Variants in ACER1 observed in about 807,000 individuals in gnomAD.
ACER1 encodes the protein CTB-180A7.3.
Under a neutral mutation model 24.9 loss-of-function variants are expected in ACER1, and 28 were observed. The ratio of observed to expected loss-of-function variants is 1.13; its 90% CI spans 0.83 to 1.54. The LOEUF is 1.54. ACER1 is among the 40% of genes most tolerant of loss of function. ACER1 has a pLI of 0.00. For synonymous variants in ACER1, 132 were observed against 131.4 expected (o/e 1.00, Z -0.03); for missense variants, 352 against 349.3 (o/e 1.01, Z -0.06).
At chr19:6,354,141 C>T in the ACER1 span, among the ~76,000 whole-genome samples, 5 of 151,666 alleles carry the variant, frequency 3.3e-5, no homozygotes, top group Admixed American at 2.0e-4. Context: ...AAGATCACAC[C>T]ACTGCACCCC....
At chr19:6,356,347 G>C in the ACER1 span, among the ~76,000 whole-genome samples, 3 of 148,732 alleles carry the variant, frequency 2.0e-5, no homozygotes, top group East Asian at 5.8e-4. Flanking sequence ...AAGGCCGCAG[G>C]GTCCTCTGCC....
At chr19:6,327,867 G>T (rs939684106) in intron 1 of ACER1, among the ~76,000 whole-genome samples, 1 of 151,512 alleles carries the variant, frequency 6.6e-6, no homozygotes, top group Non-Finnish European at 1.5e-5. Context: ...ACGAGGTCAG[G>T]GGTTCGAGAC....
At chr19:6,349,910 C>T in the ACER1 span, among the ~76,000 whole-genome samples, 2 of 152,110 alleles carry the variant, frequency 1.3e-5, no homozygotes, top group Admixed American at 6.6e-5. Context: ...ATGGAACAAT[C>T]ACTTGACCCC....
intron 1 of ACER1, among the ~76,000 whole-genome samples, chr19:6,332,123 A>C (rs10401233): frequency 0.05 from 7,550 of 149,806 alleles, 287 homozygotes; most frequent in African/African-American, 0.11. Flanking sequence ...CCTGCCACCA[A>C]ACCTGGCTAA....
the ACER1 span, among the ~76,000 whole-genome samples, chr19:6,351,069 A>G: frequency 4.6e-3 from 706 of 152,284 alleles, 4 homozygotes; most frequent in African/African-American, 0.016. Flanking sequence ...AAGGCACTCA[A>G]TAAATATGAG....
chr19:6,327,451 G>T lies in ACER1; in HGVS notation c.93+6008C>A, dbSNP rs1463418727. ...GTGGTGACGGGCGTCTGTAGTCCCA[G>T]CTACTCGGGAGGCTGAGGCAGGAGA... On this transcript the variant is annotated intron_variant, in intron 1 of 5. Coordinates refer to ENST00000301452, the MANE Select transcript of ACER1 (RefSeq NM_133492.3). Among the ~76,000 whole-genome samples the T allele has an allele frequency of 2.0e-5, 3 of 152,046 alleles. No individual in the cohort carries two copies. In the East Asian group the frequency reaches 5.8e-4, roughly 29 times the overall value.
chr19:6,337,661 CTTTTTTTTTTTTTT>C (rs1192304687), upstream of ACER1, among the ~76,000 whole-genome samples: 13 of 25,936 alleles, frequency 5.0e-4, no homozygotes, highest in South Asian at 3.8e-3. Flanking sequence ...TTCTTTCTTT[CTTTTTTTTTTTTTT>C]TTTTTTTTTT....
rs1373481730 is a variant in ACER1, at chr19:6,312,247, G to T, written c.252C>A (p.Gly84=). ...GGATGGCGATCTCGTCCAGCAGCTG[G>T]CCCAGGAAGCTGAGCGTCATGTGGA... The part of the protein sequence containing the change: ...MYFHMTLSFL[G]QLLDEIAILW... The change falls in exon 3 of 6, where the codon GGC becomes GGA. Residue 84 remains glycine (G), a synonymous_variant. Coordinates refer to ENST00000301452, the MANE Select transcript of ACER1 (RefSeq NM_133492.3). 1 of 1,614,058 alleles carries T rather than the reference G, an allele frequency of 6.2e-7. No homozygotes were observed.
At position 6,329,356 on chromosome 19, in the gene ACER1, T is replaced by TAGAATAGAATAGAATAGAATAGAATAGA. The variant is rs147227366; in HGVS notation, c.93+4102_93+4103insTCTATTCTATTCTATTCTATTCTATTCT. ...ACCTGTTTGGAGAGAGGCTTTTTGA[T>TAGAATAGAATAGAATAGAATAGAATAGA]ATAGAATAGAATAGAATAGAATAGA... On this transcript the variant is annotated intron_variant, in intron 1 of 5. Coordinates refer to ENST00000301452, the MANE Select transcript of ACER1 (RefSeq NM_133492.3). Among the ~76,000 whole-genome samples the TAGAATAGAATAGAATAGAATAGAATAGA allele has an allele frequency of 3.9e-3, 518 of 134,034 alleles. 5 individuals carry two copies. The highest frequency in any genetic ancestry group is 4.6e-3 in the Non-Finnish European group (293 of 63,806). 87.9% of individuals were successfully genotyped at this position (134,034 alleles called of 152,430 possible). A position where few individuals can be genotyped will look rare whatever the true frequency, so the allele number is the denominator to read the frequency against.
chr19:6,313,548 G>A (rs1381867218), intron 1 of ACER1, among the ~76,000 whole-genome samples: 2 of 152,176 alleles, frequency 1.3e-5, no homozygotes, highest in Admixed American at 1.3e-4. Context: ...TCTGGCCAAT[G>A]AGATAAGAAT....
intron 1 of ACER1, among the ~76,000 whole-genome samples, chr19:6,327,191 G>C (rs1227708570): frequency 6.6e-6 from 1 of 152,204 alleles, no homozygotes; most frequent in African/African-American, 2.4e-5. Context: ...AGCACTTTTA[G>C]AGATTGAGGC....
At chr19:6,311,455 T>A (rs370397368) in intron 3 of ACER1, among the ~76,000 whole-genome samples, 1 of 151,794 alleles carries the variant, frequency 6.6e-6, no homozygotes, top group African/African-American at 2.4e-5. Flanking sequence ...GGCAGGAGGA[T>A]CACTTGAACC....
chr19:6,312,362 A>C, intron 2 of ACER1, 23 bp downstream of exon 2: 2 of 1,613,726 alleles, frequency 1.2e-6, no homozygotes, highest in Non-Finnish European at 1.7e-6. Context: ...CGACTGTCAC[A>C]GACCTGAACC....
At chr19:6,307,949 G>A (rs1050278303) in intron 4 of ACER1, among the ~76,000 whole-genome samples, 43 of 150,898 alleles carry the variant, frequency 2.8e-4, no homozygotes, top group Admixed American at 2.6e-4. Flanking sequence ...AAAATTAGCC[G>A]GCCATGGTGG....
At chr19:6,355,338 G>A in the ACER1 span, among the ~76,000 whole-genome samples, 1 of 148,896 alleles carries the variant, frequency 6.7e-6, no homozygotes, top group Middle Eastern at 3.2e-3. Flanking sequence ...GGAAAGTGAG[G>A]AGCGTCTCTG....
Position 6,332,758 on chromosome 19 carries a change from C to T in ACER1, c.93+701G>A, listed in dbSNP as rs565208175. 1.6e-4 allele frequency among the ~76,000 whole-genome samples: 24 copies of T among 152,186 alleles called. No homozygotes were observed. In the South Asian group the frequency reaches 5.0e-3, roughly 32 times the overall value. ...CAATCTCAGCTCACTGCAACCTCCGCCTCCTGGGTTCAAGCGATTCTCATG... is the reference window on the plus strand; with the variant it reads ...CAATCTCAGCTCACTGCAACCTCCGTCTCCTGGGTTCAAGCGATTCTCATG... On this transcript the variant is annotated intron_variant, in intron 1 of 5. Transcript: ENST00000301452.
chr19:6,336,448 G>A (rs1036164163), upstream of ACER1, among the ~76,000 whole-genome samples: 1 of 152,164 alleles, frequency 6.6e-6, no homozygotes, highest in Non-Finnish European at 1.5e-5. Context: ...TCACCTGTAA[G>A]GTGGTGAAAA....
chr19:6,344,201 G>A, the ACER1 span, among the ~76,000 whole-genome samples: 2 of 151,958 alleles, frequency 1.3e-5, no homozygotes, highest in African/African-American at 4.8e-5. Context: ...CCCAGGAGGT[G>A]GAGCTTGCAG....
At chr19:6,318,902 G>A (rs192914093) in intron 1 of ACER1, among the ~76,000 whole-genome samples, 13 of 151,492 alleles carry the variant, frequency 8.6e-5, no homozygotes, top group African/African-American at 3.1e-4. Context: ...GGGTGGTGGT[G>A]ATTAAGAGGG....
Sources: gnomAD v4.1 joint callset for allele counts (sites outside exome capture counted in the v4.1 genomes callset) on GRCh38, gnomAD v4.1.1 for gene constraint, MANE v1.5 for transcripts, NCBI Gene and HGNC (gene_info 2026-07-23, HGNC 2026-07-21) for gene names.